DCAF6: variants seen among roughly 807,000 people sequenced by gnomAD.
DCAF6 encodes DDB1- and CUL4-associated factor 6.
A neutral mutation model predicts 125.1 loss-of-function variants in DCAF6; 54 were observed. The ratio of observed to expected loss-of-function variants is 0.43; its 90% CI spans 0.35 to 0.54. The LOEUF (loss-of-function observed/expected upper bound fraction) is 0.54. DCAF6 is among the 20% of genes least tolerant of loss of function. The probability of loss-of-function intolerance (pLI) is 0.01; values close to 1 mark genes in which losing one functional copy is unlikely to be tolerated. For synonymous variants in DCAF6, 371 were observed against 390.4 expected (o/e 0.95, Z 0.58); for missense variants, 934 against 1,161.7 (o/e 0.80, Z 2.85).
the DCAF6 span, among the ~76,000 whole-genome samples, chr1:167,905,709 T>G: frequency 6.6e-6 from 1 of 152,008 alleles, no homozygotes; most frequent in Non-Finnish European, 1.5e-5. Flanking sequence ...AGGTATAATG[T>G]TAAATAAATG....
intron 7 of DCAF6, among the ~76,000 whole-genome samples, chr1:168,001,437 G>A (rs1439727455): frequency 6.6e-6 from 1 of 152,188 alleles, no homozygotes; most frequent in East Asian, 1.9e-4. Flanking sequence ...TAATTGATCA[G>A]TGAACTTGGC....
At chr1:167,993,532 C>T (rs1681179492) in intron 7 of DCAF6, 92 bp downstream of exon 7, 4 of 1,039,816 alleles carry the variant, frequency 3.8e-6, no homozygotes. Flanking sequence ...GGTGGATCAC[C>T]TGCGGTTGGG....
At chr1:167,863,991 A>G in the DCAF6 span, among the ~76,000 whole-genome samples, 1 of 151,720 alleles carries the variant, frequency 6.6e-6, no homozygotes, top group African/African-American at 2.4e-5. Flanking sequence ...CTCCATTCCC[A>G]CTCCATTTGA....
intron 10 of DCAF6, among the ~76,000 whole-genome samples, chr1:168,006,550 A>G (rs748290013): frequency 1.4e-4 from 22 of 152,148 alleles, no homozygotes; most frequent in Non-Finnish European, 2.9e-4. Context: ...CTGGAGTTCA[A>G]CGTTTCAGGA....
At chr1:168,003,451 A>G (rs1054854521) in intron 8 of DCAF6, among the ~76,000 whole-genome samples, 1 of 152,200 alleles carries the variant, frequency 6.6e-6, no homozygotes, top group Non-Finnish European at 1.5e-5. Flanking sequence ...GCAAAAGCAT[A>G]AGGCTATTTT....
the DCAF6 span, among the ~76,000 whole-genome samples, chr1:167,910,556 C>T: frequency 6.6e-6 from 1 of 152,124 alleles, no homozygotes; most frequent in Admixed American, 6.5e-5. Context: ...CCTACCTTCT[C>T]CTTGAGGTAG....
rs1688009251 is a variant in DCAF6 at position 168,037,651 on chromosome 1, G to T, written c.1610-720G>T. 2.6e-5 allele frequency among the ~76,000 whole-genome samples: 4 copies of T among 152,026 alleles called. No individual in the cohort carries two copies. In the South Asian group the frequency reaches 8.3e-4, roughly 32 times the overall value. On this transcript the variant is annotated intron_variant, in intron 12 of 21. Transcript: ENST00000367840. Reference sequence around the variant, plus strand: ...TTTCTTGATTTTGTCATTTAAAAAAGATTTCATACATTGAGATAGATGTGT... The same window carrying T: ...TTTCTTGATTTTGTCATTTAAAAAATATTTCATACATTGAGATAGATGTGT...
At chr1:167,975,232 T>C (rs549800934) in intron 4 of DCAF6, among the ~76,000 whole-genome samples, 1 of 152,312 alleles carries the variant, frequency 6.6e-6, no homozygotes, top group East Asian at 1.9e-4. Context: ...ATGCAAGTAA[T>C]AGTACTCTAA....
intron 12 of DCAF6, among the ~76,000 whole-genome samples, chr1:168,037,104 C>CTTT (rs60135464): frequency 2.3e-5 from 3 of 130,080 alleles, no homozygotes; most frequent in East Asian, 2.1e-4. Flanking sequence ...TCTCCCCCCC[C>CTTT]TTTTTTTTTT....
the DCAF6 span, among the ~76,000 whole-genome samples, chr1:167,903,393 A>G: frequency 6.6e-6 from 1 of 152,034 alleles, no homozygotes; most frequent in Non-Finnish European, 1.5e-5. Context: ...GTGAGACCCC[A>G]TCTCTACTAA....
At chr1:168,066,537 A>T (rs554109903) in intron 20 of DCAF6, 72 bp downstream of exon 20, 22 of 1,075,012 alleles carry the variant, frequency 2.0e-5, no homozygotes, top group Admixed American at 2.0e-4. Flanking sequence ...AAGAAAAATT[A>T]AAAGTTATTA....
At chr1:168,073,970 TACATATTTATAAAATAAATGA>T (rs1176349781) in intron 21 of DCAF6, among the ~76,000 whole-genome samples, 1 of 147,692 alleles carries the variant, frequency 6.8e-6, no homozygotes, top group East Asian at 2.0e-4. Flanking sequence ...ATGTATTGAA[TACATATTTATAAAATAAATGA>T]ACAAAATAAG....
At chr1:167,901,902 C>T in the DCAF6 span, 2 of 1,609,638 alleles carry the variant, frequency 1.2e-6, no homozygotes, top group Non-Finnish European at 1.7e-6. Context: ...AAGCATTCCT[C>T]AGCCTATCTC....
chr1:167,961,653 C>T (rs1053578351), intron 2 of DCAF6, among the ~76,000 whole-genome samples: 1 of 152,104 alleles, frequency 6.6e-6, no homozygotes, highest in African/African-American at 2.4e-5. Context: ...CCTTCCTTTT[C>T]TTGTCTTACT....
intron 12 of DCAF6, among the ~76,000 whole-genome samples, chr1:168,025,479 T>C (rs1429364251): frequency 6.6e-6 from 1 of 152,220 alleles, no homozygotes; most frequent in Non-Finnish European, 1.5e-5. Flanking sequence ...CGTAGTAGAC[T>C]ATCAGAAATG....
chr1:167,949,067 C>T (rs572099484), intron 1 of DCAF6, among the ~76,000 whole-genome samples: 9 of 152,152 alleles, frequency 5.9e-5, no homozygotes, highest in Non-Finnish European at 8.8e-5. Flanking sequence ...TTGTGGCAGG[C>T]ACTGTATTAG....
chr1:167,917,096 T>A, the DCAF6 span: 1 of 152,228 alleles, frequency 6.6e-6, no homozygotes, highest in Middle Eastern at 3.2e-3. Context: ...TCTGACTATA[T>A]TTTTAATGAG....
the DCAF6 span, among the ~76,000 whole-genome samples, chr1:167,883,101 G>A: frequency 7.2e-5 from 11 of 152,186 alleles, no homozygotes; most frequent in African/African-American, 1.9e-4. Context: ...GCAGTGGTGC[G>A]ATCTCGGCTC....
chr1:167,894,957 G>A, the DCAF6 span, among the ~76,000 whole-genome samples: 1 of 152,124 alleles, frequency 6.6e-6, no homozygotes, highest in African/African-American at 2.4e-5. Context: ...GGCCAAGGCA[G>A]GCGGATCATG....
Sources: allele counts gnomAD v4.1 joint callset (sites outside exome capture counted in the v4.1 genomes callset), GRCh38; gene constraint gnomAD v4.1.1; transcripts MANE v1.5; gene names NCBI Gene and HGNC (gene_info 2026-07-23, HGNC 2026-07-21).